The following RAI14 variants were observed in gnomAD, a reference collection of about 807,000 sequenced individuals.
RAI14 encodes the protein retinoic acid induced 14, also known as ankycorbin.
In RAI14, 45 loss-of-function variants were observed where a neutral mutation model predicts 115.4. The observed-to-expected ratio is 0.39, with a 90% CI of 0.31 to 0.50. The LOEUF (loss-of-function observed/expected upper bound fraction) is 0.50, where lower values mean the gene tolerates loss of function less well. Ranked by LOEUF, RAI14 falls within the 20% of genes least tolerant of loss-of-function variation. The pLI is 0.85. For synonymous variants in RAI14, 371 were observed against 415.4 expected (o/e 0.89, Z 1.30); for missense variants, 939 against 1,131.2 (o/e 0.83, Z 2.44).
chr5:34,731,459 T>G (rs1744161117), intron 2 of RAI14, among the ~76,000 whole-genome samples: 1 of 152,232 alleles, frequency 6.6e-6, no homozygotes, highest in Non-Finnish European at 1.5e-5. Context: ...TCTGTGTATT[T>G]GTGCATCTAC....
rs559607525 is a variant in RAI14 at position 34,710,652 on chromosome 5, C to T, written c.36+23697C>T. On this transcript the variant is annotated intron_variant, in intron 2 of 17. Transcript: ENST00000265109. ...AAGAACAGGGATTCCCAGGTCCTCTCCTTGAAGATTCTGGTTCAGTAGGTC... is the reference window on the plus strand; with the variant it reads ...AAGAACAGGGATTCCCAGGTCCTCTTCTTGAAGATTCTGGTTCAGTAGGTC... Among the ~76,000 whole-genome samples the T allele has an allele frequency of 2.6e-5, 4 of 152,278 alleles. 1 individual carries two copies. The highest frequency in any genetic ancestry group is 9.6e-5 in the African/African-American group (4 of 41,562).
intron 2 of RAI14, among the ~76,000 whole-genome samples, chr5:34,751,154 ATTT>A (rs34439436): frequency 4.7e-5 from 6 of 128,002 alleles, no homozygotes; most frequent in Middle Eastern, 4.5e-3. Flanking sequence ...CCCGGCCATA[ATTT>A]TTTTTTTTTT....
intron 2 of RAI14, among the ~76,000 whole-genome samples, chr5:34,695,671 A>C (rs939160533): frequency 1.3e-5 from 2 of 152,248 alleles, no homozygotes; most frequent in South Asian, 4.1e-4. Context: ...GAATAGAATA[A>C]AATTTATTTC....
intron 3 of RAI14, among the ~76,000 whole-genome samples, chr5:34,774,285 C>G (rs966273304): frequency 6.6e-6 from 1 of 152,030 alleles, no homozygotes; most frequent in Non-Finnish European, 1.5e-5. Context: ...GAAGGAGAAT[C>G]TCTTGAACCC....
At chr5:34,726,298 A>T (rs1388356387) in intron 2 of RAI14, among the ~76,000 whole-genome samples, 4 of 152,228 alleles carry the variant, frequency 2.6e-5, no homozygotes, top group Admixed American at 2.6e-4. Context: ...TCATAGTTCC[A>T]AAAGCTGTAC....
intron 3 of RAI14, among the ~76,000 whole-genome samples, chr5:34,767,880 G>A (rs1749623094): frequency 1.3e-5 from 2 of 151,322 alleles, no homozygotes; most frequent in African/African-American, 4.9e-5. Flanking sequence ...TCCCAACACC[G>A]GGCTAGGTTC....
intron 2 of RAI14, among the ~76,000 whole-genome samples, chr5:34,716,602 A>C (rs1440873373): frequency 6.6e-6 from 1 of 151,928 alleles, no homozygotes; most frequent in African/African-American, 2.4e-5. Context: ...TAGTAGAGAC[A>C]GGGTTTCGCC....
At chr5:34,745,438 A>G (rs1746037542) in intron 2 of RAI14, among the ~76,000 whole-genome samples, 1 of 152,128 alleles carries the variant, frequency 6.6e-6, no homozygotes, top group South Asian at 2.1e-4. Context: ...CCTTTCTGCC[A>G]TCATTCTGGG....
At chr5:34,802,314 C>T (rs1043166193) in intron 4 of RAI14, among the ~76,000 whole-genome samples, 5 of 152,156 alleles carry the variant, frequency 3.3e-5, no homozygotes, top group Admixed American at 2.0e-4. Flanking sequence ...CGCCCGATCT[C>T]GTCTGATCTC....
intron 2 of RAI14, among the ~76,000 whole-genome samples, chr5:34,723,870 A>G (rs1007146434): frequency 2.0e-5 from 3 of 152,194 alleles, no homozygotes; most frequent in African/African-American, 7.2e-5. Context: ...TAGGCTGTGG[A>G]CTGGTATTTA....
Position 34,758,533 on chromosome 5 carries a change from T to G in RAI14, c.167+935T>G, listed in dbSNP as rs1234497114. ...AACCTCTATTTTTAAGGTGTGTTAT[T>G]GACAGGTTCCAACTTTGTCACTTTT... On this transcript the variant is annotated intron_variant, in intron 3 of 17. Coordinates refer to ENST00000265109, the MANE Select transcript of RAI14 (RefSeq NM_015577.3). Among the ~76,000 whole-genome samples, 3 of 152,124 alleles carry G rather than the reference T, an allele frequency of 2.0e-5. No individual in the cohort carries two copies. The East Asian group carries it at 5.8e-4, about 29-fold the overall frequency.
chr5:34,696,710 G>GT (rs1739282966), intron 2 of RAI14, among the ~76,000 whole-genome samples: 3 of 152,224 alleles, frequency 2.0e-5, no homozygotes, highest in Non-Finnish European at 4.4e-5. Flanking sequence ...GACTTTTACA[G>GT]TTTTGACTCT....
At chr5:34,682,396 A>T (rs934696780) in intron 1 of RAI14, among the ~76,000 whole-genome samples, 1 of 150,548 alleles carries the variant, frequency 6.6e-6, no homozygotes, top group Admixed American at 6.6e-5. Context: ...TTTTTTTTTT[A>T]AATACTCAAA....
At chr5:34,742,035 G>A (rs532933454) in intron 2 of RAI14, among the ~76,000 whole-genome samples, 44 of 152,300 alleles carry the variant, frequency 2.9e-4, no homozygotes, top group Non-Finnish European at 3.1e-4. Context: ...TGAATAAGAG[G>A]ATTGGCCATA....
intron 2 of RAI14, among the ~76,000 whole-genome samples, chr5:34,701,251 A>G (rs1311097454): frequency 1.3e-5 from 2 of 152,204 alleles, no homozygotes; most frequent in Non-Finnish European, 1.5e-5. Context: ...AAGGAAGAAA[A>G]TTAAAATATT....
chr5:34,656,636 C>T (rs1397132436), intron 1 of RAI14, 161 bp downstream of exon 1: 2 of 152,442 alleles, frequency 1.3e-5, no homozygotes, highest in Non-Finnish European at 2.9e-5. Context: ...CTCCCTGGTC[C>T]ACCGCCGGCA....
At chr5:34,729,447 CTA>C (rs1374663383) in intron 2 of RAI14, among the ~76,000 whole-genome samples, 1 of 152,072 alleles carries the variant, frequency 6.6e-6, no homozygotes, top group Non-Finnish European at 1.5e-5. Context: ...TAATAAAACA[CTA>C]AAAATATTAA....
intron 2 of RAI14, among the ~76,000 whole-genome samples, chr5:34,746,210 A>G (rs1746202140): frequency 1.3e-5 from 2 of 149,044 alleles, no homozygotes; most frequent in African/African-American, 5.0e-5. Flanking sequence ...GGTTCACGCC[A>G]TTCTCCTGCC....
intron 2 of RAI14, among the ~76,000 whole-genome samples, chr5:34,703,410 T>G (rs945278976): frequency 6.6e-6 from 1 of 152,218 alleles, no homozygotes; most frequent in Non-Finnish European, 1.5e-5. Context: ...CCACAACCAT[T>G]TAAAATGTTG....
Sources: gnomAD v4.1 joint callset for allele counts (sites outside exome capture counted in the v4.1 genomes callset) on GRCh38, gnomAD v4.1.1 for gene constraint, MANE v1.5 for transcripts, NCBI Gene and HGNC (gene_info 2026-07-23, HGNC 2026-07-21) for gene names.